ADAMTS9: variants seen among roughly 807,000 people sequenced by gnomAD.
ADAMTS9 encodes ADAM metallopeptidase with thrombospondin type 1 motif 9.
A neutral mutation model predicts 257.1 loss-of-function variants in ADAMTS9; 107 were observed. The ratio of observed to expected loss-of-function variants is 0.42; its 90% CI spans 0.36 to 0.49. The LOEUF is 0.49. Among genes scored for constraint, ADAMTS9 ranks in the 20% least tolerant of loss-of-function variants. The pLI is 0.03. For synonymous variants in ADAMTS9, 982 were observed against 880.9 expected (o/e 1.11, Z -2.03); for missense variants, 2,353 against 2,469.1 (o/e 0.95, Z 1.00).
intron 29 of ADAMTS9, 160 bp from the exon 30 acceptor site, chr3:64,561,911 A>C: frequency 6.1e-6 from 4 of 658,934 alleles, no homozygotes; most frequent in Non-Finnish European, 1.0e-5. Flanking sequence ...ATCCTAGATC[A>C]TGTCTTAAAC....
rs111948472 is a variant in ADAMTS9, at chr3:64,543,878, C to T, written c.5065-1908G>A. Among the ~76,000 whole-genome samples, 689 of 152,332 alleles carry T rather than the reference C, an allele frequency of 4.5e-3. 1 individual carries two copies. Among genetic ancestry groups the T allele is most frequent in the African/African-American group, 0.015 (633 of 41,578 alleles). ...GTATATTTAGAAAACCCCATCGTCT[C>T]AGCCCAAAATCTCCTTAAGCTGATA... On this transcript the variant is annotated intron_variant, in intron 32 of 39. Coordinates refer to ENST00000498707, the MANE Select transcript of ADAMTS9 (RefSeq NM_182920.2).
At chr3:64,649,544 G>A (rs1279295175) in intron 10 of ADAMTS9, 93 bp downstream of exon 10, 2 of 1,425,272 alleles carry the variant, frequency 1.4e-6, no homozygotes, top group African/African-American at 1.4e-5. Context: ...TCCTTGGGTA[G>A]TTTATAGTCG....
intron 30 of ADAMTS9, chr3:64,561,317 TAA>T (rs2083417426): frequency 3.1e-6 from 1 of 320,114 alleles, no homozygotes; most frequent in African/African-American, 2.4e-5. Flanking sequence ...CACAGCCTGT[TAA>T]AGTTTTTTTT....
At chr3:64,517,775 TTC>T (rs1274062900) in intron 39 of ADAMTS9, among the ~76,000 whole-genome samples, 14 of 152,166 alleles carry the variant, frequency 9.2e-5, no homozygotes, top group Non-Finnish European at 1.9e-4. Context: ...AAAATTTATC[TTC>T]TTAGATACAA....
At chr3:64,520,602 C>A (rs2082837307) in intron 39 of ADAMTS9, among the ~76,000 whole-genome samples, 1 of 152,000 alleles carries the variant, frequency 6.6e-6, no homozygotes, top group Non-Finnish European at 1.5e-5. Context: ...AAAATAGACA[C>A]AAAAATTAAT....
intron 3 of ADAMTS9, among the ~76,000 whole-genome samples, chr3:64,673,347 C>T (rs1701536685): frequency 6.6e-6 from 1 of 152,178 alleles, no homozygotes; most frequent in Non-Finnish European, 1.5e-5. Context: ...CTCTGGGTAC[C>T]TGCTCTGGCC....
At chr3:64,548,710 C>T (rs7638832) in intron 31 of ADAMTS9, among the ~76,000 whole-genome samples, 97,700 of 151,974 alleles carry the variant, frequency 0.64, 35,887 homozygotes, top group Non-Finnish European at 0.85. Context: ...AGAACAGATG[C>T]TCTCAGCTAG....
intron 14 of ADAMTS9, among the ~76,000 whole-genome samples, chr3:64,633,232 G>C (rs1346941081): frequency 6.6e-6 from 1 of 152,154 alleles, no homozygotes; most frequent in Non-Finnish European, 1.5e-5. Context: ...TTTTGTGCAA[G>C]ACCCCCACAG....
intron 9 of ADAMTS9, chr3:64,650,731 T>C (rs936073973): frequency 6.2e-6 from 2 of 324,912 alleles, no homozygotes; most frequent in Non-Finnish European, 1.1e-5. Context: ...TCTCCCAATG[T>C]CTGAACAAAT....
chr3:64,658,393 A>C, intron 4 of ADAMTS9, 109 bp downstream of exon 4: 1 of 1,172,848 alleles, frequency 8.5e-7, no homozygotes, highest in Non-Finnish European at 1.2e-6. Flanking sequence ...ACTTGCCTGA[A>C]TGGCTGAAAT....
rs111720942 is a variant in ADAMTS9 at position 64,526,781 on chromosome 3, C to A, written c.5719-4521G>T. 6.3e-3 allele frequency among the ~76,000 whole-genome samples: 956 copies of A among 152,212 alleles called. 4 individuals are homozygous for A. The highest frequency in any genetic ancestry group is 0.022 in the African/African-American group (896 of 41,528). On this transcript the variant is annotated intron_variant, in intron 38 of 39. Transcript: ENST00000498707. ...TAGGGATAATAATAGTACCCCATCA[C>A]GGGTTTGCTGTAAAGGAGATAATGC... is the stretch of plus-strand genomic sequence containing the variant.
At chr3:64,525,173 G>A (rs544251839) in intron 38 of ADAMTS9, among the ~76,000 whole-genome samples, 9 of 152,122 alleles carry the variant, frequency 5.9e-5, no homozygotes, top group Non-Finnish European at 1.0e-4. Flanking sequence ...GGCTCATAAC[G>A]ATACGAAATA....
intron 16 of ADAMTS9, 115 bp downstream of exon 16, chr3:64,631,340 G>T: frequency 1.2e-6 from 1 of 811,646 alleles, no homozygotes; most frequent in Non-Finnish European, 2.1e-6. Context: ...CTTATTTTAT[G>T]AAAATCCATG....
In ADAMTS9 at chr3:64,686,822, A is replaced by C. The variant is rs550060251; in HGVS notation, c.262T>G (p.Ser88Ala). Reference protein sequence around the residue: ...SATDPWPAFASSSSSSTSSQA... With the variant: ...SATDPWPAFAASSSSSTSSQA... Reference sequence around the variant, plus strand: ...GAGGAGGTAGAGGAGGAAGAGGAGGAGGCGAAGGCAGGCCAGGGGTCAGTG... The same window carrying C: ...GAGGAGGTAGAGGAGGAAGAGGAGGCGGCGAAGGCAGGCCAGGGGTCAGTG... Residue 88 changes from serine (S) to alanine (A), a missense_variant, in exon 2 of 40, where the codon TCC (serine) becomes GCC (alanine). Ser to Ala is a moderately conservative substitution (Grantham distance 99). This residue lies in a region of ADAMTS9 where 591 missense variants were observed against 569.6 expected (regional missense o/e 1.04). Coordinates refer to ENST00000498707, the MANE Select transcript of ADAMTS9 (RefSeq NM_182920.2). This position sits in a 1 kb window ranked among gnomAD's most constrained non-coding sequence, Gnocchi z 4.6. The C allele has an allele frequency of 3.7e-6, 6 of 1,614,036 alleles. No individual in the cohort carries two copies. In the East Asian group the frequency reaches 1.1e-4, roughly 30 times the overall value.
rs1486424541 is a variant in ADAMTS9, at chr3:64,687,662, C to A, written c.-5G>T. The A allele has an allele frequency of 1.3e-6, 2 of 1,521,904 alleles. No individual in the cohort carries two copies. Among genetic ancestry groups the A allele is most frequent in the South Asian group, 2.4e-5 (2 of 81,640 alleles). 94.3% of individuals were successfully genotyped at this position (1,521,904 alleles called of 1,614,324 possible). The stretch of plus-strand genomic sequence containing the variant: ...GGCCCAGGATACAAACTGCATGGTG[C>A]TTCCCACCCCTCCCTCCGCTGCCCC... On this transcript the variant is annotated 5_prime_UTR_variant, in exon 1 of 40. Transcript: ENST00000498707. The surrounding 1 kb of genome is among the most constrained non-coding windows in gnomAD (Gnocchi z 4.4).
At chr3:64,649,982 A>C in intron 9 of ADAMTS9, 1 of 558,378 alleles carries the variant, frequency 1.8e-6, no homozygotes, top group South Asian at 2.7e-5. Context: ...ACATGCAATG[A>C]ATACAACATA....
At chr3:64,550,682 G>C in intron 31 of ADAMTS9, 1 of 591,638 alleles carries the variant, frequency 1.7e-6, no homozygotes, top group Non-Finnish European at 2.9e-6. Context: ...AAGGGACTTA[G>C]AGACCATCTC....
At chr3:64,636,233 A>G (rs937456636) in intron 12 of ADAMTS9, among the ~76,000 whole-genome samples, 3 of 152,168 alleles carry the variant, frequency 2.0e-5, no homozygotes, top group African/African-American at 7.2e-5. Flanking sequence ...TTTGACCACT[A>G]TAACATGGCA....
At chr3:64,637,750 C>T (rs567821999) in intron 12 of ADAMTS9, among the ~76,000 whole-genome samples, 3 of 152,278 alleles carry the variant, frequency 2.0e-5, no homozygotes, top group South Asian at 2.1e-4. Context: ...TAAGAAGGGG[C>T]CTGATGGCCA....
Sources: allele counts gnomAD v4.1 joint callset (sites outside exome capture counted in the v4.1 genomes callset), GRCh38; gene constraint gnomAD v4.1.1; regional missense constraint gnomAD v4.1.1; non-coding constraint Gnocchi (gnomAD v3.1); transcripts MANE v1.5; gene names NCBI Gene and HGNC (gene_info 2026-07-23, HGNC 2026-07-21).